TSHZ2: variants seen among roughly 807,000 people sequenced by gnomAD.
TSHZ2 encodes the protein teashirt homolog 2.
A neutral mutation model predicts 74.4 loss-of-function variants in TSHZ2; 21 were observed. The observed-to-expected ratio is 0.28, with a 90% confidence interval of 0.20 to 0.41. The LOEUF (loss-of-function observed/expected upper bound fraction) is 0.41, where lower values mean the gene tolerates loss of function less well. TSHZ2 is among the 10% of genes least tolerant of loss of function. TSHZ2 has a pLI of 1.00. For synonymous variants in TSHZ2, 540 were observed against 515.3 expected, an observed-to-expected ratio of 1.05 and a Z score of -0.65; for missense variants, 1,244 against 1,293.5, an observed-to-expected ratio of 0.96 and a Z score of 0.59.
chr20:53,463,483 GA>G (rs1985463956), intron 2 of TSHZ2, among the ~76,000 whole-genome samples: 1 of 132,062 alleles, frequency 7.6e-6, no homozygotes, highest in Non-Finnish European at 1.7e-5. Flanking sequence ...GGGGTAGGGA[GA>G]GGAAAGAAAG....
intron 1 of TSHZ2, among the ~76,000 whole-genome samples, chr20:53,216,973 T>G (rs1232443097): frequency 6.6e-6 from 1 of 152,194 alleles, no homozygotes; most frequent in African/African-American, 2.4e-5. Flanking sequence ...CCATCCCCAG[T>G]TTCCAAAGAG....
intron 1 of TSHZ2, among the ~76,000 whole-genome samples, chr20:53,077,067 T>C (rs1985387722): frequency 6.6e-6 from 1 of 152,096 alleles, no homozygotes; most frequent in South Asian, 2.1e-4. Flanking sequence ...AAGTAGTCTC[T>C]CAGGTGCTGA....
At chr20:53,415,174 C>T (rs1013281810) in intron 2 of TSHZ2, among the ~76,000 whole-genome samples, 6 of 152,166 alleles carry the variant, frequency 3.9e-5, no homozygotes, top group African/African-American at 1.4e-4. Flanking sequence ...TTAACATACT[C>T]CATTATTGAA....
intron 1 of TSHZ2, among the ~76,000 whole-genome samples, chr20:53,154,508 G>A (rs985869605): frequency 6.6e-6 from 1 of 152,292 alleles, no homozygotes; most frequent in Admixed American, 6.5e-5. Flanking sequence ...CTCTTGCCCA[G>A]TTGAAGGATC....
chr20:53,355,326 G>A (rs1000519717), intron 2 of TSHZ2, among the ~76,000 whole-genome samples: 10 of 152,076 alleles, frequency 6.6e-5, no homozygotes, highest in South Asian at 2.1e-4. Context: ...CAGTAGCATC[G>A]TTCATAAATA....
chr20:53,416,143 C>G (rs1407912410), intron 2 of TSHZ2, among the ~76,000 whole-genome samples: 1 of 152,134 alleles, frequency 6.6e-6, no homozygotes, highest in African/African-American at 2.4e-5. Flanking sequence ...TGTGAGGCCA[C>G]TGCCATGCTG....
chr20:53,077,119 T>C (rs1286988563), intron 1 of TSHZ2, among the ~76,000 whole-genome samples: 1 of 152,056 alleles, frequency 6.6e-6, no homozygotes, highest in Non-Finnish European at 1.5e-5. Context: ...GAGGTAAAGA[T>C]AATGCTCTGG....
At chr20:53,306,626 T>C (rs1978557191) in intron 2 of TSHZ2, among the ~76,000 whole-genome samples, 1 of 152,188 alleles carries the variant, frequency 6.6e-6, no homozygotes, top group Non-Finnish European at 1.5e-5. Flanking sequence ...TTTGCCGACA[T>C]GGGGAACTTG....
In TSHZ2 at chr20:53,480,638, G is replaced by A. The variant is rs185290951; in HGVS notation, c.*9-6506G>A. Reference sequence around the variant, plus strand: ...GGACAACAGCACCTTGTGTGAAACTGTCTCACACATTGCAAGGAGCCTCAC... The same window carrying A: ...GGACAACAGCACCTTGTGTGAAACTATCTCACACATTGCAAGGAGCCTCAC... On this transcript the variant is annotated intron_variant, in intron 2 of 2. Coordinates refer to ENST00000371497, the MANE Select transcript of TSHZ2 (RefSeq NM_173485.6). Among the ~76,000 whole-genome samples, 257 of 152,048 alleles carry A rather than the reference G, an allele frequency of 1.7e-3. 1 individual carries two copies. The highest frequency in any genetic ancestry group is 3.4e-3 in the Admixed American group (52 of 15,292).
chr20:53,270,933 C>T (rs944355025), intron 2 of TSHZ2, among the ~76,000 whole-genome samples: 4 of 152,114 alleles, frequency 2.6e-5, no homozygotes, highest in Admixed American at 6.5e-5. Flanking sequence ...CCTGTACTTG[C>T]GGGAGCCTCC....
At chr20:53,139,741 T>C (rs999692294) in intron 1 of TSHZ2, among the ~76,000 whole-genome samples, 3 of 152,232 alleles carry the variant, frequency 2.0e-5, no homozygotes, top group African/African-American at 7.2e-5. Context: ...ATAAATGCTA[T>C]GTGCAAAAAA....
chr20:53,019,008 G>T (rs181591711), intron 1 of TSHZ2, among the ~76,000 whole-genome samples: 1 of 152,248 alleles, frequency 6.6e-6, no homozygotes, highest in African/African-American at 2.4e-5. Context: ...TATTTAAAGT[G>T]CTTTTCTCCT....
intron 2 of TSHZ2, among the ~76,000 whole-genome samples, chr20:53,293,355 C>A (rs551624648): frequency 1.3e-5 from 2 of 151,954 alleles, no homozygotes; most frequent in African/African-American, 4.8e-5. Context: ...CCCAGCCACT[C>A]GGGAGGCTGA....
In TSHZ2 at chr20:53,034,700, G is replaced by A. The variant is rs1226735845; in HGVS notation, c.40+61367G>A. 3.3e-5 allele frequency among the ~76,000 whole-genome samples: 5 copies of A among 152,368 alleles called. No homozygotes were observed. The East Asian group carries it at 7.7e-4, about 23-fold the overall frequency. Reference sequence around the variant, plus strand: ...CAGGATTTGAGGGCGAGGGCTTCCAGGTTGAGGGAACAGCAAGGGCAAAGG... The same window carrying A: ...CAGGATTTGAGGGCGAGGGCTTCCAAGTTGAGGGAACAGCAAGGGCAAAGG... On this transcript the variant is annotated intron_variant, in intron 1 of 2. Transcript: ENST00000371497.
intron 1 of TSHZ2, among the ~76,000 whole-genome samples, chr20:53,145,353 A>C (rs1411550752): frequency 2.0e-5 from 3 of 152,188 alleles, no homozygotes; most frequent in Admixed American, 2.0e-4. Flanking sequence ...ACAAGATAAT[A>C]GGGCCTCTGT....
At chr20:53,233,848 G>A (rs1361180742) in intron 1 of TSHZ2, among the ~76,000 whole-genome samples, 4 of 152,170 alleles carry the variant, frequency 2.6e-5, no homozygotes, top group African/African-American at 9.7e-5. Context: ...AAGGATTCCA[G>A]CCTCATAGGA....
intron 1 of TSHZ2, among the ~76,000 whole-genome samples, chr20:53,234,468 T>C (rs1192406095): frequency 6.6e-6 from 1 of 152,036 alleles, no homozygotes. Context: ...CAATTAACAA[T>C]AGAAATAATA....
At chr20:53,366,642 C>T (rs1013172683) in intron 2 of TSHZ2, among the ~76,000 whole-genome samples, 2 of 152,134 alleles carry the variant, frequency 1.3e-5, no homozygotes, top group African/African-American at 4.8e-5. Flanking sequence ...ATGAGAGAGG[C>T]TAGGTCAAGA....
chr20:53,028,217 A>G (rs1365127943), intron 1 of TSHZ2, among the ~76,000 whole-genome samples: 3 of 152,200 alleles, frequency 2.0e-5, no homozygotes, highest in African/African-American at 7.2e-5. Flanking sequence ...GCTGATCCAC[A>G]CATGAAAGCC....
Sources: allele counts gnomAD v4.1 joint callset (sites outside exome capture counted in the v4.1 genomes callset), GRCh38; gene constraint gnomAD v4.1.1; transcripts MANE v1.5; gene names NCBI Gene and HGNC (gene_info 2026-07-23, HGNC 2026-07-21).